Variants in KIAA1958 observed in about 807,000 individuals in gnomAD.
The protein encoded by KIAA1958 is uncharacterized protein KIAA1958.
A neutral mutation model predicts 47.2 loss-of-function variants in KIAA1958; 14 were observed. That is an observed-to-expected ratio of 0.30 (90% CI 0.20 to 0.46). The LOEUF (loss-of-function observed/expected upper bound fraction) is 0.46. Ranked by LOEUF, KIAA1958 falls within the 20% of genes least tolerant of loss-of-function variation. The pLI is 1.00. For missense variants in KIAA1958, 803 were observed against 909.2 expected, an observed-to-expected ratio of 0.88 and a Z score of 1.50; for synonymous variants, 354 against 353.3, an observed-to-expected ratio of 1.00 and a Z score of -0.02.
Position 112,618,425 on chromosome 9 carries a change from G to A in KIAA1958, c.1172-27225G>A, listed in dbSNP as rs866509827. 6.4e-7 allele frequency: 1 copy of A among 1,551,228 alleles called. No individual in the cohort carries two copies. Among genetic ancestry groups the A allele is most frequent in the Non-Finnish European group, 8.7e-7 (1 of 1,147,140 alleles). On this transcript the variant is annotated intron_variant, in intron 2 of 3. Coordinates refer to ENST00000337530, the MANE Select transcript of KIAA1958 (RefSeq NM_133465.4). The surrounding 1 kb of genome is among the most constrained non-coding windows in gnomAD (Gnocchi z 7.1). ...GGGTGATATCCGGCTCCGGGTAACA[G>A]AGACGGGTCTCGAGTACTTGGAGTG...
intron 2 of KIAA1958, among the ~76,000 whole-genome samples, chr9:112,630,207 C>T (rs1836685291): frequency 6.6e-6 from 1 of 152,136 alleles, no homozygotes; most frequent in Admixed American, 6.5e-5. Context: ...TTCCTGGAGC[C>T]CCAAGCCTGA....
chr9:112,567,333 C>A (rs1186467283), intron 1 of KIAA1958, among the ~76,000 whole-genome samples: 3 of 152,168 alleles, frequency 2.0e-5, no homozygotes, highest in Non-Finnish European at 2.9e-5. Context: ...GCAGGCAGTT[C>A]AGAGCTGATG....
intron 1 of KIAA1958, among the ~76,000 whole-genome samples, chr9:112,506,300 C>CA (rs1352430850): frequency 2.4e-4 from 37 of 151,952 alleles, no homozygotes; most frequent in Non-Finnish European, 4.1e-4. Context: ...ACTAAAAATA[C>CA]AAAAAATTAG....
At chr9:112,596,344 T>G (rs1836033340) in intron 2 of KIAA1958, among the ~76,000 whole-genome samples, 4 of 152,132 alleles carry the variant, frequency 2.6e-5, no homozygotes, top group Admixed American at 2.6e-4. Context: ...TTACAGAATA[T>G]TTTTAGTCTC....
At chr9:112,498,092 C>T (rs190590594) in intron 1 of KIAA1958, among the ~76,000 whole-genome samples, 25 of 152,222 alleles carry the variant, frequency 1.6e-4, no homozygotes, top group Admixed American at 8.5e-4. Context: ...TAATTCTTCT[C>T]TAAGTGACTA....
intron 2 of KIAA1958, among the ~76,000 whole-genome samples, chr9:112,608,289 A>G (rs115054855): frequency 0.019 from 2,828 of 152,348 alleles, 81 homozygotes; most frequent in African/African-American, 0.064. Flanking sequence ...ATTTAAACTA[A>G]TAATTAAACT....
intron 2 of KIAA1958, among the ~76,000 whole-genome samples, chr9:112,599,770 T>G (rs1480642632): frequency 6.6e-6 from 1 of 152,208 alleles, no homozygotes; most frequent in African/African-American, 2.4e-5. Flanking sequence ...TGATGTCTTG[T>G]ATATCAAAGT....
At chr9:112,557,245 C>T (rs1835258469) in intron 1 of KIAA1958, among the ~76,000 whole-genome samples, 1 of 152,158 alleles carries the variant, frequency 6.6e-6, no homozygotes. Flanking sequence ...CAGGAACCAC[C>T]ACACCCAGCC....
At chr9:112,579,230 T>A (rs989537451) in intron 2 of KIAA1958, among the ~76,000 whole-genome samples, 1 of 152,110 alleles carries the variant, frequency 6.6e-6, no homozygotes, top group Admixed American at 6.5e-5. Flanking sequence ...GGTGTGAATT[T>A]TCTTAATTTT....
chr9:112,555,945 C>G (rs1463528136), intron 1 of KIAA1958, among the ~76,000 whole-genome samples: 1 of 152,078 alleles, frequency 6.6e-6, no homozygotes, highest in East Asian at 1.9e-4. Flanking sequence ...CCTGGTGACA[C>G]GTGCCTATAA....
At chr9:112,564,105 C>T (rs1008552371) in intron 1 of KIAA1958, among the ~76,000 whole-genome samples, 26 of 152,202 alleles carry the variant, frequency 1.7e-4, no homozygotes, top group Non-Finnish European at 3.1e-4. Flanking sequence ...ATTATATTGG[C>T]TTTGTCAGGT....
chr9:112,531,372 G>A (rs540804766), intron 1 of KIAA1958, among the ~76,000 whole-genome samples: 1 of 152,190 alleles, frequency 6.6e-6, no homozygotes, highest in African/African-American at 2.4e-5. Flanking sequence ...TGGGCAACAA[G>A]AGTAAACTCC....
chr9:112,570,281 G>C (rs560217946), intron 1 of KIAA1958, among the ~76,000 whole-genome samples: 1 of 152,240 alleles, frequency 6.6e-6, no homozygotes, highest in African/African-American at 2.4e-5. Context: ...TCTGCTGGAG[G>C]GCGTTTTTTG....
chr9:112,634,956 AT>A (rs1008679110), intron 2 of KIAA1958, among the ~76,000 whole-genome samples: 1 of 151,312 alleles, frequency 6.6e-6, no homozygotes, highest in Non-Finnish European at 1.5e-5. Flanking sequence ...TCCATTTGGA[AT>A]TTTTTTTTGT....
rs527464296 is a variant in KIAA1958 at position 112,495,086 on chromosome 9, AT to A, written c.-25+7980del. 2.9e-3 allele frequency among the ~76,000 whole-genome samples: 417 copies of A among 145,114 alleles called. 1 individual carries two copies. Among genetic ancestry groups the A allele is most frequent in the Middle Eastern group, 3.5e-3 (1 of 284 alleles). Reference sequence around the variant, plus strand: ...GATGTGTGCCACCACTACCAGCTGAATTTTTTTTTTTTAAAGACAGGTTTCA... The same window carrying A: ...GATGTGTGCCACCACTACCAGCTGAATTTTTTTTTTTAAAGACAGGTTTCA... On this transcript the variant is annotated intron_variant, in intron 1 of 3. Coordinates refer to ENST00000337530, the MANE Select transcript of KIAA1958 (RefSeq NM_133465.4).
intron 2 of KIAA1958, among the ~76,000 whole-genome samples, chr9:112,592,294 G>A (rs929116123): frequency 2.0e-5 from 3 of 152,140 alleles, no homozygotes; most frequent in African/African-American, 7.2e-5. Context: ...GCCTGAGCCC[G>A]GGAGGTTGAA....
chr9:112,493,404 T>G (rs954443676), intron 1 of KIAA1958, among the ~76,000 whole-genome samples: 2 of 152,214 alleles, frequency 1.3e-5, no homozygotes, highest in African/African-American at 4.8e-5. Context: ...CTTTTATTCC[T>G]TAGCTCAGTG....
chr9:112,516,918 CAG>C (rs1834446276), intron 1 of KIAA1958, among the ~76,000 whole-genome samples: 1 of 152,170 alleles, frequency 6.6e-6, no homozygotes, highest in African/African-American at 2.4e-5. Flanking sequence ...GTACAGAAAA[CAG>C]AAGTGTGAGG....
intron 2 of KIAA1958, among the ~76,000 whole-genome samples, chr9:112,644,296 C>G (rs1358259631): frequency 6.6e-6 from 1 of 151,982 alleles, no homozygotes; most frequent in Non-Finnish European, 1.5e-5. Flanking sequence ...CGGTAAGAGA[C>G]TGGTAGTTTG....
Sources: allele counts gnomAD v4.1 joint callset (sites outside exome capture counted in the v4.1 genomes callset), GRCh38; gene constraint gnomAD v4.1.1; non-coding constraint Gnocchi (gnomAD v3.1); transcripts MANE v1.5; gene names NCBI Gene and HGNC (gene_info 2026-07-23, HGNC 2026-07-21).